Variants in SPATA6 observed in about 807,000 individuals in gnomAD.
SPATA6 encodes spermatogenesis-associated protein 6.
SPATA6 carries 56 observed loss-of-function variants against 65.3 expected under a neutral mutation model. The observed-to-expected ratio is 0.86, with a 90% CI of 0.69 to 1.07. The LOEUF is 1.07. Among genes scored for constraint, SPATA6 ranks in the 50% least tolerant of loss-of-function variants. The pLI, the probability that SPATA6 is intolerant of heterozygous loss-of-function variation, is 0.00. For synonymous variants in SPATA6, 199 were observed against 213.2 expected, an observed-to-expected ratio of 0.93 and a Z score of 0.58; for missense variants, 590 against 594.8, an observed-to-expected ratio of 0.99 and a Z score of 0.08.
chr1:48,303,379 A>C (rs1270618540), intron 12 of SPATA6, among the ~76,000 whole-genome samples: 4 of 152,000 alleles, frequency 2.6e-5, no homozygotes, highest in Non-Finnish European at 5.9e-5. Context: ...ACCCTTCTTC[A>C]TAACTGTATT....
intron 3 of SPATA6, among the ~76,000 whole-genome samples, chr1:48,448,464 C>G (rs933583743): frequency 6.7e-6 from 1 of 148,762 alleles, no homozygotes; most frequent in Non-Finnish European, 1.5e-5. Flanking sequence ...AGGCACACAA[C>G]AAACAAGTTT....
intron 3 of SPATA6, among the ~76,000 whole-genome samples, chr1:48,415,152 G>C (rs777294941): frequency 6.6e-6 from 1 of 151,088 alleles, no homozygotes; most frequent in Non-Finnish European, 1.5e-5. Flanking sequence ...GGTTTTAAAG[G>C]GAATGTGAGG....
chr1:48,323,781 A>G (rs1024567705), intron 11 of SPATA6, among the ~76,000 whole-genome samples: 1 of 152,188 alleles, frequency 6.6e-6, no homozygotes, highest in African/African-American at 2.4e-5. Flanking sequence ...CTAAACACGT[A>G]AAACTTACCA....
chr1:48,381,461 AAC>A (rs1235389850), intron 9 of SPATA6, among the ~76,000 whole-genome samples: 1 of 151,808 alleles, frequency 6.6e-6, no homozygotes, highest in Non-Finnish European at 1.5e-5. Flanking sequence ...TGTGTCCCTA[AAC>A]AGTGCCTTGA....
the SPATA6 span, among the ~76,000 whole-genome samples, chr1:48,287,069 G>A: frequency 6.6e-6 from 1 of 151,340 alleles, no homozygotes; most frequent in African/African-American, 2.4e-5. Flanking sequence ...GGTTTAATTG[G>A]CTCACTGTTT....
chr1:48,262,274 G>T, the SPATA6 span: 1 of 152,084 alleles, frequency 6.6e-6, no homozygotes, highest in Non-Finnish European at 1.5e-5. Context: ...TATACAATAT[G>T]CTTCACAGAT....
At chr1:48,268,011 A>G in the SPATA6 span, among the ~76,000 whole-genome samples, 1 of 151,864 alleles carries the variant, frequency 6.6e-6, no homozygotes, top group African/African-American at 2.4e-5. Context: ...TCGGCCTTCC[A>G]AAGTGCTGGG....
intron 11 of SPATA6, among the ~76,000 whole-genome samples, chr1:48,353,236 A>T (rs1646562208): frequency 6.6e-6 from 1 of 152,022 alleles, no homozygotes; most frequent in Admixed American, 6.6e-5. Context: ...AAAAACAGCT[A>T]AATGTTTTCA....
At chr1:48,455,218 A>G (rs1350270175) in intron 1 of SPATA6, among the ~76,000 whole-genome samples, 1 of 152,206 alleles carries the variant, frequency 6.6e-6, no homozygotes, top group Non-Finnish European at 1.5e-5. Flanking sequence ...GTCTAACTTA[A>G]GAAGGGCTGT....
intron 3 of SPATA6, among the ~76,000 whole-genome samples, chr1:48,438,543 G>A (rs924853440): frequency 3.3e-5 from 5 of 152,126 alleles, no homozygotes; most frequent in African/African-American, 1.2e-4. Flanking sequence ...ACGGTCAACA[G>A]AGAGGAAAGA....
At chr1:48,343,988 G>T (rs1646291846) in intron 11 of SPATA6, among the ~76,000 whole-genome samples, 1 of 151,934 alleles carries the variant, frequency 6.6e-6, no homozygotes, top group South Asian at 2.1e-4. Flanking sequence ...TATAGAACAG[G>T]TAGTGCAAAT....
At chr1:48,414,959 C>T (rs1652616935) in intron 3 of SPATA6, among the ~76,000 whole-genome samples, 1 of 150,512 alleles carries the variant, frequency 6.6e-6, no homozygotes, top group South Asian at 2.1e-4. Flanking sequence ...CATGTAAGAA[C>T]AGCTGGATAA....
chr1:48,310,666 T>C (rs961999674), intron 11 of SPATA6, among the ~76,000 whole-genome samples: 1 of 152,126 alleles, frequency 6.6e-6, no homozygotes, highest in Non-Finnish European at 1.5e-5. Context: ...TTTTCAACAA[T>C]GAACAGAACA....
At chr1:48,351,787 C>G (rs1570253860) in intron 11 of SPATA6, among the ~76,000 whole-genome samples, 1 of 152,082 alleles carries the variant, frequency 6.6e-6, no homozygotes, top group East Asian at 1.9e-4. Flanking sequence ...TAAATATTGA[C>G]TTCATAAAAT....
intron 9 of SPATA6, among the ~76,000 whole-genome samples, chr1:48,364,711 T>G (rs1646938842): frequency 6.6e-6 from 1 of 152,240 alleles, no homozygotes; most frequent in Admixed American, 6.5e-5. Context: ...CTTTGGCAGA[T>G]GAGTAGGTTG....
At chr1:48,409,603 T>C (rs545128965) in intron 5 of SPATA6, among the ~76,000 whole-genome samples, 1 of 152,340 alleles carries the variant, frequency 6.6e-6, no homozygotes, top group East Asian at 1.9e-4. Context: ...CATGAGCACC[T>C]CGCCCCTGCA....
chr1:48,397,216 A>C (rs904425249), intron 7 of SPATA6, among the ~76,000 whole-genome samples: 18 of 151,730 alleles, frequency 1.2e-4, no homozygotes, highest in African/African-American at 4.1e-4. Context: ...GAAGGAATGC[A>C]GAGTGAATAC....
intron 3 of SPATA6, among the ~76,000 whole-genome samples, chr1:48,425,782 C>G (rs1653779051): frequency 6.6e-6 from 1 of 151,796 alleles, no homozygotes; most frequent in Admixed American, 6.6e-5. Context: ...CAAATTTTAT[C>G]CCTACTTTAT....
At chr1:48,327,422 T>C (rs1450135922) in intron 11 of SPATA6, among the ~76,000 whole-genome samples, 1 of 152,178 alleles carries the variant, frequency 6.6e-6, no homozygotes, top group African/African-American at 2.4e-5. Flanking sequence ...TCAACTTCTA[T>C]GGAAAACAGT....
Sources: allele counts gnomAD v4.1 joint callset (sites outside exome capture counted in the v4.1 genomes callset), GRCh38; gene constraint gnomAD v4.1.1; transcripts MANE v1.5; gene names NCBI Gene and HGNC (gene_info 2026-07-23, HGNC 2026-07-21).